Variants in AHNAK observed in about 807,000 individuals in gnomAD.
AHNAK encodes the protein AHNAK nucleoprotein, also known as neuroblast differentiation-associated protein AHNAK.
Under a neutral mutation model 37.8 loss-of-function variants are expected in AHNAK, and 23 were observed. The ratio of observed to expected loss-of-function variants is 0.61; its 90% CI spans 0.44 to 0.86. The LOEUF (loss-of-function observed/expected upper bound fraction) is 0.86, where lower values mean the gene tolerates loss of function less well. Among genes scored for constraint, AHNAK ranks in the 40% least tolerant of loss-of-function variants. The probability of loss-of-function intolerance (pLI) is 0.00; values close to 1 mark genes in which losing one functional copy is unlikely to be tolerated. For synonymous variants in AHNAK, 2,481 were observed against 2,636.3 expected (o/e 0.94, Z 1.80); for missense variants, 7,411 against 7,319.4 (o/e 1.01, Z -0.46).
At chr11:62,442,490 G>A (rs1049886359) in intron 5 of AHNAK, among the ~76,000 whole-genome samples, 1 of 152,120 alleles carries the variant, frequency 6.6e-6, no homozygotes, top group African/African-American at 2.4e-5. Flanking sequence ...CAAGGCTGTG[G>A]TGAGCCGTGA....
At position 62,532,241 on chromosome 11, in the gene AHNAK, G is replaced by A; in HGVS notation, c.2176C>T (p.Leu726Phe). The A allele has an allele frequency of 6.2e-7, 1 of 1,613,388 alleles. No homozygotes were observed. The highest frequency in any genetic ancestry group is 8.5e-7 in the Non-Finnish European group (1 of 1,179,886). ...TCAATGTCCACTTTTGGGCCTTTGAGTTCTCCTTCCAGCTTTGGTACAGTT... is the reference window on the plus strand; with the variant it reads ...TCAATGTCCACTTTTGGGCCTTTGAATTCTCCTTCCAGCTTTGGTACAGTT... ...DVTVPKLEGE[L>F]KGPKVDIDAP... Residue 726 changes from leucine to phenylalanine, a missense_variant, in exon 5 of 5, where the codon CTC becomes TTC. By Grantham distance (22) the Leu-to-Phe change is conservative (BLOSUM62 0). Transcript: ENST00000378024.
intron 1 of AHNAK, among the ~76,000 whole-genome samples, chr11:62,540,961 C>T (rs1220202189): frequency 6.6e-6 from 1 of 152,244 alleles, no homozygotes; most frequent in African/African-American, 2.4e-5. Context: ...ATTCTTGACC[C>T]CAGCAGATGG....
At chr11:62,449,299 G>A (rs1938484358) in intron 5 of AHNAK, among the ~76,000 whole-genome samples, 1 of 152,144 alleles carries the variant, frequency 6.6e-6, no homozygotes, top group African/African-American at 2.4e-5. Flanking sequence ...GCCTCCCCTG[G>A]AGACTTTTCA....
downstream of AHNAK, among the ~76,000 whole-genome samples, chr11:62,515,259 C>G (rs2134186067): frequency 6.6e-6 from 1 of 152,348 alleles, no homozygotes; most frequent in South Asian, 2.1e-4. Context: ...TGGCTCATGC[C>G]TGTAATCCCA....
At chr11:62,464,539 G>A (rs1006495365) in intron 5 of AHNAK, among the ~76,000 whole-genome samples, 7 of 152,018 alleles carry the variant, frequency 4.6e-5, no homozygotes, top group South Asian at 2.1e-4. Context: ...GTGGTGCCAC[G>A]CACCTGTAGT....
chr11:62,522,741 ATCCATATCACCC>A lies in AHNAK; in HGVS notation c.11664_11675del (p.Lys3888_Asp3892delinsAsn), dbSNP rs774013321. 3.1e-6 allele frequency: 5 copies of A among 1,613,296 alleles called. No homozygotes were observed. The highest frequency in any genetic ancestry group is 4.2e-6 in the Non-Finnish European group (5 of 1,179,896). On this transcript the variant is annotated inframe_deletion, in exon 5 of 5. Transcript: ENST00000378024. ...CACCTTCCACTTTTGGCAGAGACAC[ATCCATATCACCC>A]TTCACTTTGGGTCCTTTCAGGTTAA...
chr11:62,458,434 G>T (rs1413878737), intron 5 of AHNAK, among the ~76,000 whole-genome samples: 1 of 152,120 alleles, frequency 6.6e-6, no homozygotes, highest in East Asian at 1.9e-4. Context: ...TCTGAGACGG[G>T]AGAGTCTGGT....
At chr11:62,461,885 C>T (rs557728116) in intron 5 of AHNAK, among the ~76,000 whole-genome samples, 24 of 151,412 alleles carry the variant, frequency 1.6e-4, no homozygotes, top group African/African-American at 5.8e-4. Flanking sequence ...GAACAATCTT[C>T]CAGGAACTGA....
At chr11:62,469,487 CAG>C (rs541777764) in intron 5 of AHNAK, among the ~76,000 whole-genome samples, 21 of 151,954 alleles carry the variant, frequency 1.4e-4, no homozygotes, top group African/African-American at 4.3e-4. Flanking sequence ...TTGTTCGAGA[CAG>C]AGTCTCACTC....
rs1940199233 is a variant in AHNAK, at chr11:62,520,551, G to A, written c.13866C>T (p.Leu4622=). 3 of 1,614,156 alleles carry A rather than the reference G, an allele frequency of 1.9e-6. No individual in the cohort carries two copies. The highest frequency in any genetic ancestry group is 2.5e-6 in the Non-Finnish European group (3 of 1,180,028). Residue 4622 remains leucine (L), a synonymous_variant, in exon 5 of 5, where the codon CTC becomes CTT. Transcript: ENST00000378024. ...DISLPKVEGD[L]KGPEVDIRDP... ...CCCTGATGTCAACTTCGGGGCCCTT[G>A]AGGTCGCCTTCCACTTTGGGCAGAG...
chr11:62,466,330 T>A (rs28436769), intron 5 of AHNAK, among the ~76,000 whole-genome samples: 14 of 151,658 alleles, frequency 9.2e-5, no homozygotes, highest in East Asian at 1.9e-4. Flanking sequence ...AAAAAAAAAA[T>A]TTTTGTTTTT....
At chr11:62,471,646 C>G (rs1939037729) in intron 5 of AHNAK, among the ~76,000 whole-genome samples, 1 of 152,184 alleles carries the variant, frequency 6.6e-6, no homozygotes. Context: ...GATGCTCAAC[C>G]TGCACTATCA....
At chr11:62,464,645 G>A (rs1226635386) in intron 5 of AHNAK, among the ~76,000 whole-genome samples, 3 of 149,834 alleles carry the variant, frequency 2.0e-5, no homozygotes, top group Admixed American at 1.3e-4. Flanking sequence ...TCCAGTCTGG[G>A]CAACAGACCA....
downstream of AHNAK, among the ~76,000 whole-genome samples, chr11:62,511,191 G>C (rs1280550526): frequency 6.6e-6 from 1 of 151,046 alleles, no homozygotes; most frequent in Non-Finnish European, 1.5e-5. Context: ...ATCACGCCTT[G>C]CTTTTGACCC....
In AHNAK at chr11:62,521,541, G is replaced by A. The variant is rs370412640; in HGVS notation, c.12876C>T (p.Asp4292=). 7 of 1,612,900 alleles carry A rather than the reference G, an allele frequency of 4.3e-6. No individual in the cohort carries two copies. In the African/African-American group the frequency reaches 8.1e-5, roughly 19 times the overall value. Residue 4292 remains aspartate (D), a synonymous_variant, in exon 5 of 5, where the codon GAC becomes GAT. Coordinates refer to ENST00000378024, the MANE Select transcript of AHNAK (RefSeq NM_001620.3). ...VEGDLKGPEV[D]IKGPKVDIDA... The stretch of plus-strand genomic sequence containing the variant: ...CGATGTCCACTTTGGGGCCCTTGAT[G>A]TCAACTTCTGGGCCCTTGAGGTCAC...
At chr11:62,509,029 C>T (rs572556906) in intron 4 of AHNAK, among the ~76,000 whole-genome samples, 6 of 152,310 alleles carry the variant, frequency 3.9e-5, no homozygotes, top group Admixed American at 3.3e-4. Context: ...TTAGCAATCT[C>T]CTACTTAACC....
intron 5 of AHNAK, among the ~76,000 whole-genome samples, chr11:62,436,313 G>T (rs890050024): frequency 1.3e-5 from 2 of 152,086 alleles, no homozygotes; most frequent in Non-Finnish European, 2.9e-5. Flanking sequence ...CTGATGCTCC[G>T]GGGGAGTAGC....
chr11:62,440,247 C>T lies in AHNAK; in HGVS notation c.443-6356G>A, dbSNP rs577641548. ...CTTAGATATGATCTAGTGCAACCCC[C>T]TCATTTTACGATGAGGAAACGACAC... On this transcript the variant is annotated intron_variant, in intron 5 of 5. Transcript: ENST00000257247. Among the ~76,000 whole-genome samples the T allele has an allele frequency of 7.2e-5, 11 of 152,234 alleles. No homozygotes were observed. The South Asian group carries it at 2.3e-3, about 32-fold the overall frequency.
chr11:62,461,139 T>TC (rs1414336129), intron 5 of AHNAK, among the ~76,000 whole-genome samples: 15,096 of 100,466 alleles, frequency 0.15, 3,766 homozygotes, highest in African/African-American at 0.48. Flanking sequence ...CCGGCCAAAT[T>TC]CCCCTTTTTT....
Sources: allele counts gnomAD v4.1 joint callset (sites outside exome capture counted in the v4.1 genomes callset), GRCh38; gene constraint gnomAD v4.1.1; transcripts MANE v1.5; gene names NCBI Gene and HGNC (gene_info 2026-07-23, HGNC 2026-07-21).